The following TMPRSS12 variants were observed in gnomAD, a reference collection of about 807,000 sequenced individuals.
The protein encoded by TMPRSS12 is transmembrane serine protease 12, also known as transmembrane protease serine 12.
Under a neutral mutation model 26.0 loss-of-function variants are expected in TMPRSS12, and 25 were observed. That is an observed-to-expected ratio of 0.96 (90% CI 0.70 to 1.34). The LOEUF is 1.34. Ranked by LOEUF, TMPRSS12 falls within the 40% of genes most tolerant of loss-of-function variation. The probability of loss-of-function intolerance (pLI) is 0.00; values close to 1 mark genes in which losing one functional copy is unlikely to be tolerated. For missense variants in TMPRSS12, 441 were observed against 440.1 expected, an observed-to-expected ratio of 1.00 and a Z score of -0.02; for synonymous variants, 150 against 161.7, an observed-to-expected ratio of 0.93 and a Z score of 0.55.
intron 3 of TMPRSS12, among the ~76,000 whole-genome samples, chr12:50,873,199 G>C (rs1297551883): frequency 1.3e-5 from 2 of 151,880 alleles, no homozygotes; most frequent in African/African-American, 4.8e-5. Context: ...AAGGGTGGGA[G>C]GGGGGCGAGG....
At chr12:50,887,021 C>T (rs2139741003) in intron 4 of TMPRSS12, 1 of 434,144 alleles carries the variant, frequency 2.3e-6, no homozygotes, top group Non-Finnish European at 4.0e-6. Context: ...GGCTCAAAAC[C>T]AGGCAGATGA....
intron 2 of TMPRSS12, among the ~76,000 whole-genome samples, chr12:50,846,725 T>C (rs1937771473): frequency 6.6e-6 from 1 of 151,754 alleles, no homozygotes; most frequent in Non-Finnish European, 1.5e-5. Context: ...ACTACAGGTG[T>C]GCACCACCAT....
At chr12:50,847,090 G>A (rs1212213639) in intron 2 of TMPRSS12, among the ~76,000 whole-genome samples, 8 of 117,710 alleles carry the variant, frequency 6.8e-5, no homozygotes, top group Admixed American at 3.8e-4. Flanking sequence ...ACGGAGTCTC[G>A]CTCTGTTGCC....
chr12:50,882,286 TAAAAAAAAAAAAAAAA>T (rs59323134), intron 3 of TMPRSS12, among the ~76,000 whole-genome samples: 1 of 58,506 alleles, frequency 1.7e-5, no homozygotes, highest in African/African-American at 7.2e-5. Context: ...CCCATCTCTC[TAAAAAAAAAAAAAAAA>T]AAAAAAAAAA....
intron 3 of TMPRSS12, among the ~76,000 whole-genome samples, chr12:50,878,749 C>T (rs541924119): frequency 2.0e-5 from 3 of 152,038 alleles, no homozygotes; most frequent in African/African-American, 4.8e-5. Context: ...GATATCCTTA[C>T]GCCGCGAAAA....
At chr12:50,864,891 C>T (rs1286458647) in intron 3 of TMPRSS12, among the ~76,000 whole-genome samples, 1 of 152,102 alleles carries the variant, frequency 6.6e-6, no homozygotes, top group Non-Finnish European at 1.5e-5. Flanking sequence ...GATCTCCTGA[C>T]CTCGTGATCC....
chr12:50,879,422 TAACC>T (rs1938143870), intron 3 of TMPRSS12, among the ~76,000 whole-genome samples: 1 of 152,256 alleles, frequency 6.6e-6, no homozygotes, highest in African/African-American at 2.4e-5. Context: ...TAATACATCA[TAACC>T]AACTGGCTTT....
At chr12:50,852,370 A>G (rs1295624072) in intron 2 of TMPRSS12, among the ~76,000 whole-genome samples, 1 of 152,228 alleles carries the variant, frequency 6.6e-6, no homozygotes, top group Non-Finnish European at 1.5e-5. Context: ...AATGGAAAAC[A>G]AAAAAGAGCA....
chr12:50,875,149 G>T (rs1938100905), intron 3 of TMPRSS12, among the ~76,000 whole-genome samples: 2 of 152,012 alleles, frequency 1.3e-5, no homozygotes, highest in African/African-American at 4.8e-5. Context: ...TAAGCAAAAA[G>T]AACAAAGCTG....
Position 50,844,027 on chromosome 12 carries a change from A to G in TMPRSS12, c.373A>G (p.Lys125Glu), listed in dbSNP as rs1161247809. 3.8e-6 allele frequency: 6 copies of G among 1,580,534 alleles called. No individual in the cohort carries two copies. The Admixed American group carries it at 5.7e-5, about 15-fold the overall frequency. Residue 125 changes from lysine to glutamate, a missense_variant, in exon 2 of 5, where the codon AAA (lysine) becomes GAA (glutamate). Coordinates refer to ENST00000398458, the MANE Select transcript of TMPRSS12 (RefSeq NM_182559.3). ...GGTCCTCACAGCTGCCCACTGCACT[A>G]AAGACGCTAGGTACGTATTCAGAAC... is the stretch of plus-strand genomic sequence containing the variant. ...RWVLTAAHCTKDASDPLMWTA... is the reference protein window; with the variant it reads ...RWVLTAAHCTEDASDPLMWTA...
At chr12:50,861,820 T>G (rs1937938749) in intron 3 of TMPRSS12, among the ~76,000 whole-genome samples, 1 of 151,954 alleles carries the variant, frequency 6.6e-6, no homozygotes, top group Non-Finnish European at 1.5e-5. Context: ...ATATCTTTTT[T>G]TTTTTTTTGA....
At chr12:50,883,299 A>G (rs1348532071) in intron 3 of TMPRSS12, among the ~76,000 whole-genome samples, 1 of 152,134 alleles carries the variant, frequency 6.6e-6, no homozygotes, top group African/African-American at 2.4e-5. Context: ...CCACTACACT[A>G]GGCACCAGCC....
At chr12:50,861,514 T>G (rs1346309506) in intron 3 of TMPRSS12, among the ~76,000 whole-genome samples, 1 of 152,188 alleles carries the variant, frequency 6.6e-6, no homozygotes, top group African/African-American at 2.4e-5. Context: ...TGCTCTGTGC[T>G]AGCTGAATGA....
intron 2 of TMPRSS12, among the ~76,000 whole-genome samples, chr12:50,855,897 C>A (rs1014787452): frequency 2.0e-5 from 3 of 152,142 alleles, no homozygotes; most frequent in Non-Finnish European, 4.4e-5. Context: ...GAAATCATCT[C>A]CTTTGTAGCA....
Position 50,887,684 on chromosome 12 carries a change from T to C in TMPRSS12, c.*171T>C. 1 of 675,716 alleles carries C rather than the reference T, an allele frequency of 1.5e-6. No individual in the cohort carries two copies. Among genetic ancestry groups the C allele is most frequent in the Non-Finnish European group, 2.4e-6 (1 of 422,682 alleles). 41.9% of individuals were successfully genotyped at this position (675,716 alleles called of 1,614,324 possible). ...AGATATACAATTGTAATTTTGGCAC[T>C]GAATCACATGTCTCCTTGAAATATC... On this transcript the variant is annotated 3_prime_UTR_variant, in exon 5 of 5. Transcript: ENST00000398458.
intron 3 of TMPRSS12, among the ~76,000 whole-genome samples, chr12:50,863,635 A>G (rs1159434254): frequency 6.6e-6 from 1 of 152,266 alleles, no homozygotes; most frequent in Non-Finnish European, 1.5e-5. Flanking sequence ...TTAGATGGAC[A>G]AGGGCATTAT....
chr12:50,878,633 G>T (rs1938135189), intron 3 of TMPRSS12, among the ~76,000 whole-genome samples: 1 of 151,970 alleles, frequency 6.6e-6, no homozygotes, highest in Admixed American at 6.6e-5. Flanking sequence ...AACACAACAT[G>T]GAGGGGGAAA....
chr12:50,885,455 T>G, intron 4 of TMPRSS12, 67 bp downstream of exon 4: 1 of 1,571,606 alleles, frequency 6.4e-7, no homozygotes, highest in Non-Finnish European at 8.7e-7. Context: ...AAACAAGGCC[T>G]TTGATAACTT....
chr12:50,850,088 T>C (rs1937811117), intron 2 of TMPRSS12, among the ~76,000 whole-genome samples: 2 of 152,214 alleles, frequency 1.3e-5, no homozygotes, highest in Non-Finnish European at 2.9e-5. Flanking sequence ...TATTTGTTTT[T>C]ATTGCTGAAC....
Sources: allele counts gnomAD v4.1 joint callset (sites outside exome capture counted in the v4.1 genomes callset), GRCh38; gene constraint gnomAD v4.1.1; transcripts MANE v1.5; gene names NCBI Gene and HGNC (gene_info 2026-07-23, HGNC 2026-07-21).